FNBP1: variants seen among roughly 807,000 people sequenced by gnomAD.
FNBP1 encodes the protein formin binding protein 1.
Under a neutral mutation model 90.6 loss-of-function variants are expected in FNBP1, and 26 were observed. The ratio of observed to expected loss-of-function variants is 0.29; its 90% confidence interval spans 0.21 to 0.40. The LOEUF (loss-of-function observed/expected upper bound fraction) is 0.40, where lower values mean the gene tolerates loss of function less well. Ranked by LOEUF, FNBP1 falls within the 10% of genes least tolerant of loss-of-function variation. The pLI is 1.00. For synonymous variants in FNBP1, 260 were observed against 265.2 expected, an observed-to-expected ratio of 0.98 and a Z score of 0.19; for missense variants, 635 against 768.0, an observed-to-expected ratio of 0.83 and a Z score of 2.05.
At chr9:129,942,857 T>C (rs2044534232) in intron 6 of FNBP1, among the ~76,000 whole-genome samples, 1 of 125,616 alleles carries the variant, frequency 8.0e-6, no homozygotes, top group Non-Finnish European at 1.6e-5. Flanking sequence ...TTTTTTTTTC[T>C]GAGATTGGTT....
intron 6 of FNBP1, among the ~76,000 whole-genome samples, chr9:129,951,031 G>A (rs932011507): frequency 4.1e-5 from 6 of 147,638 alleles, no homozygotes; most frequent in South Asian, 2.1e-4. Flanking sequence ...GAGTGCAGCC[G>A]TGCGATCTCG....
At chr9:129,942,554 T>C (rs16931591) in intron 6 of FNBP1, among the ~76,000 whole-genome samples, 13,354 of 152,212 alleles carry the variant, frequency 0.088, 728 homozygotes, top group African/African-American at 0.16. Context: ...GCTTATTTAA[T>C]ACAATCCAGT....
chr9:130,007,239 C>CAAAAAAAAAAAAAAAAAAAAAA (rs72063140), intron 1 of FNBP1, among the ~76,000 whole-genome samples: 1 of 77,014 alleles, frequency 1.3e-5, no homozygotes, highest in Non-Finnish European at 2.3e-5. Flanking sequence ...GAGATCCTGT[C>CAAAAAAAAAAAAAAAAAAAAAA]AAAAAAAAAA....
chr9:129,971,753 G>A (rs1309946713), intron 4 of FNBP1, among the ~76,000 whole-genome samples: 3 of 152,156 alleles, frequency 2.0e-5, no homozygotes, highest in African/African-American at 2.4e-5. Context: ...CAAGAATGCC[G>A]TACAACAAAA....
rs1276812633 is a variant in FNBP1 at position 130,031,350 on chromosome 9, G to A, written c.24+11602C>T. On this transcript the variant is annotated intron_variant, in intron 1 of 16. Coordinates refer to ENST00000446176, the MANE Select transcript of FNBP1 (RefSeq NM_015033.3). This position sits in a 1 kb window ranked among gnomAD's most constrained non-coding sequence, Gnocchi z 4.2. The stretch of plus-strand genomic sequence containing the variant: ...AGGGTATTTCCCATGCTCTCAAGGT[G>A]AGGTCATAGTCCTCACATGGTTTTT... Among the ~76,000 whole-genome samples, 2 of 152,184 alleles carry A rather than the reference G, an allele frequency of 1.3e-5. No homozygotes were observed. Among genetic ancestry groups the A allele is most frequent in the East Asian group, 1.9e-4 (1 of 5,184 alleles).
intron 6 of FNBP1, among the ~76,000 whole-genome samples, chr9:129,955,603 C>T (rs941186352): frequency 1.3e-5 from 2 of 151,664 alleles, no homozygotes; most frequent in Non-Finnish European, 2.9e-5. Context: ...CTCCTGTAGT[C>T]CCAGCTACTC....
At chr9:129,988,406 C>T (rs1386256959) in intron 2 of FNBP1, among the ~76,000 whole-genome samples, 2 of 152,048 alleles carry the variant, frequency 1.3e-5, no homozygotes, top group East Asian at 1.9e-4. Context: ...GGGCCAGGTG[C>T]GGTGGCTCAT....
At chr9:129,945,551 A>G (rs766418712) in intron 6 of FNBP1, among the ~76,000 whole-genome samples, 34 of 152,218 alleles carry the variant, frequency 2.2e-4, no homozygotes, top group Non-Finnish European at 4.3e-4. Flanking sequence ...CAATAGTACA[A>G]TTCCTTATAT....
intron 9 of FNBP1, 76 bp from the exon 10 acceptor site, chr9:129,924,102 T>G (rs2041526486): frequency 9.9e-6 from 14 of 1,416,730 alleles, no homozygotes; most frequent in Non-Finnish European, 1.3e-5. Flanking sequence ...AAGCATCAAA[T>G]AATATTTGAA....
intron 6 of FNBP1, among the ~76,000 whole-genome samples, chr9:129,952,487 G>C (rs1470739509): frequency 1.3e-5 from 2 of 152,024 alleles, no homozygotes; most frequent in Non-Finnish European, 2.9e-5. Flanking sequence ...GACAGAGTGA[G>C]ACTCAAAAAA....
intron 11 of FNBP1, among the ~76,000 whole-genome samples, chr9:129,914,362 C>G (rs2131655476): frequency 6.6e-6 from 1 of 152,040 alleles, no homozygotes; most frequent in Admixed American, 6.6e-5. Context: ...TTGTTGCCTT[C>G]AAGGTAATGA....
chr9:130,017,058 C>T (rs997311886), intron 1 of FNBP1, among the ~76,000 whole-genome samples: 36 of 151,874 alleles, frequency 2.4e-4, no homozygotes, highest in Admixed American at 1.3e-4. Context: ...CCAGCCTCAG[C>T]AACATAGCAA....
chr9:129,954,644 A>T (rs1006164931), intron 6 of FNBP1, among the ~76,000 whole-genome samples: 7 of 151,972 alleles, frequency 4.6e-5, no homozygotes, highest in Admixed American at 1.3e-4. Context: ...AGTCAAGCTT[A>T]AAAAAAAGCT....
rs397936316 is a variant in FNBP1 at position 129,943,992 on chromosome 9, C to CAAAA, written c.513+13364_513+13367dup. Reference sequence around the variant, plus strand: ...TGGGCGACAGAGCGAGACTCCATCTCAAAAAAAAAAAAAAAAACCTGCTAT... The same window carrying CAAAA: ...TGGGCGACAGAGCGAGACTCCATCTCAAAAAAAAAAAAAAAAAAAAACCTGCTAT... On this transcript the variant is annotated intron_variant, in intron 6 of 16. Transcript: ENST00000446176. Among the ~76,000 whole-genome samples, 5 of 59,942 alleles carry CAAAA rather than the reference C, an allele frequency of 8.3e-5. 2 individuals are homozygous for CAAAA. The highest frequency in any genetic ancestry group is 2.7e-4 in the Admixed American group (1 of 3,668). The allele number at this position is 59,942 out of a possible 152,430, so 39.3% of individuals were successfully genotyped here. A position where few individuals can be genotyped will look rare whatever the true frequency, so the allele number is the denominator to read the frequency against.
rs1260563102 is a variant in FNBP1 at position 129,900,798 on chromosome 9, T to C, written c.1429-251A>G. ...TCCATTTCACCCGAAGTTGGAGACA[T>C]AGAAACAAACTCATATTTATGTGGT... is the stretch of plus-strand genomic sequence containing the variant. On this transcript the variant is annotated intron_variant, in intron 13 of 16. Coordinates refer to ENST00000446176, the MANE Select transcript of FNBP1 (RefSeq NM_015033.3). The surrounding 1 kb of genome is among the most constrained non-coding windows in gnomAD (Gnocchi z 4.1). Among the ~76,000 whole-genome samples, 1 of 152,228 alleles carries C rather than the reference T, an allele frequency of 6.6e-6. No homozygotes were observed. Among genetic ancestry groups the C allele is most frequent in the African/African-American group, 2.4e-5 (1 of 41,468 alleles).
At chr9:130,034,933 G>C (rs762768833) in intron 1 of FNBP1, among the ~76,000 whole-genome samples, 1 of 152,076 alleles carries the variant, frequency 6.6e-6, no homozygotes, top group African/African-American at 2.4e-5. Context: ...GATCACTTGA[G>C]CCCAGGAGTT....
At chr9:129,912,945 C>T (rs1016993551) in intron 11 of FNBP1, among the ~76,000 whole-genome samples, 1 of 152,054 alleles carries the variant, frequency 6.6e-6, no homozygotes, top group African/African-American at 2.4e-5. Flanking sequence ...AGCGGTTGGG[C>T]GTGGTGGCTC....
chr9:129,961,831 T>C (rs2047877151), intron 4 of FNBP1, among the ~76,000 whole-genome samples: 2 of 152,238 alleles, frequency 1.3e-5, no homozygotes, highest in East Asian at 3.9e-4. Context: ...AGTGATCCGC[T>C]TGCCTCGGCC....
intron 1 of FNBP1, among the ~76,000 whole-genome samples, chr9:130,005,502 C>A (rs1002259311): frequency 6.6e-6 from 1 of 151,792 alleles, no homozygotes; most frequent in African/African-American, 2.4e-5. Flanking sequence ...CCACCACACC[C>A]GGCTAATTTT....
Sources: gnomAD v4.1 joint callset for allele counts (sites outside exome capture counted in the v4.1 genomes callset) on GRCh38, gnomAD v4.1.1 for gene constraint, Gnocchi (gnomAD v3.1) non-coding constraint, MANE v1.5 for transcripts, NCBI Gene and HGNC (gene_info 2026-07-23, HGNC 2026-07-21) for gene names.